Variants in TRMT2B observed in about 807,000 individuals in gnomAD.
TRMT2B encodes tRNA methyltransferase 2B, also known as tRNA (uracil-5-)-methyltransferase homolog B.
A neutral mutation model predicts 39.7 loss-of-function variants in TRMT2B; 34 were observed. That is an observed-to-expected ratio of 0.86 (90% CI 0.65 to 1.14). TRMT2B has a LOEUF of 1.14. TRMT2B is among the 50% of genes most tolerant of loss of function. The probability of loss-of-function intolerance (pLI) is 0.00; values close to 1 mark genes in which losing one functional copy is unlikely to be tolerated. For synonymous variants in TRMT2B, 132 were observed against 137.3 expected (o/e 0.96, Z 0.27); for missense variants, 318 against 377.2 (o/e 0.84, Z 1.30).
intron 2 of TRMT2B, among the ~76,000 whole-genome samples, chrX:101,050,355 G>GTTTC (rs199686193): frequency 0.045 from 5,065 of 112,399 alleles, 312 homozygotes; most frequent in African/African-American, 0.16. Context: ...GGTGAGTTCT[G>GTTTC]TTTCTTTCTT....
intron 7 of TRMT2B, among the ~76,000 whole-genome samples, chrX:101,031,043 C>G (rs1390075811): frequency 2.7e-5 from 3 of 110,312 alleles, no homozygotes; most frequent in Non-Finnish European, 5.7e-5. Context: ...ATCATCTCAG[C>G]TCACTGCAGC....
At chrX:101,000,980 T>A in the TRMT2B span, among the ~76,000 whole-genome samples, 1 of 111,076 alleles carries the variant, frequency 9.0e-6, no homozygotes, top group Non-Finnish European at 1.9e-5. Flanking sequence ...CATGTTAAAT[T>A]AGATTGCCCT....
Position 101,023,499 on chromosome X carries a change from T to C in TRMT2B, c.727A>G (p.Ile243Val). Reference sequence around the variant, plus strand: ...CTTAATTTCTGGGGATGGAAAGTGATGATAGCCATTGTGTGCCCTTGGCTA... The same window carrying C: ...CTTAATTTCTGGGGATGGAAAGTGACGATAGCCATTGTGTGCCCTTGGCTA... ...TNSQGHTMAI[I>V]TFHPQKLSQE... Residue 243 changes from isoleucine to valine, a missense_variant, in exon 8 of 14, where the codon ATC (isoleucine) becomes GTC (valine). Physicochemically the swap from Ile to Val is conservative, Grantham distance 29. Coordinates refer to ENST00000372936, the MANE Select transcript of TRMT2B (RefSeq NM_024917.6). 2 of 1,210,086 alleles carry C rather than the reference T, an allele frequency of 1.7e-6. No individual in the cohort carries two copies. The highest frequency in any genetic ancestry group is 2.3e-4 in the Middle Eastern group (1 of 4,339).
In TRMT2B at chrX:101,010,505, T is replaced by C. The variant is rs1030750579; in HGVS notation, c.*76A>G. ...ACTGTAATGCTCCCAGGGTCTGCAA[T>C]GTAGCAATATGCCAAACCTGAAAGT... On this transcript the variant is annotated 3_prime_UTR_variant, in exon 14 of 14. Transcript: ENST00000372936. The C allele has an allele frequency of 4.2e-5, 47 of 1,109,639 alleles. No individual in the cohort carries two copies. Among genetic ancestry groups the C allele is most frequent in the Non-Finnish European group, 5.3e-5 (43 of 811,636 alleles). The allele number at this position is 1,109,639 out of a possible 1,213,427, so 91.4% of individuals were successfully genotyped here. A position where few individuals can be genotyped will look rare whatever the true frequency, so the allele number is the denominator to read the frequency against.
At chrX:101,006,581 T>C (rs1017226940), downstream of TRMT2B, among the ~76,000 whole-genome samples, 13 of 110,575 alleles carry the variant, frequency 1.2e-4, no homozygotes, top group Non-Finnish European at 2.5e-4. Context: ...GGTGGGAGGA[T>C]TGCTTGAGTC....
rs763813488 is a variant in TRMT2B at position 101,023,502 on chromosome X, T to C, written c.724A>G (p.Ile242Val). Reference protein sequence around the residue: ...RTNSQGHTMAIITFHPQKLSQ... With the variant: ...RTNSQGHTMAVITFHPQKLSQ... Reference sequence around the variant, plus strand: ...AATTTCTGGGGATGGAAAGTGATGATAGCCATTGTGTGCCCTTGGCTATTG... The same window carrying C: ...AATTTCTGGGGATGGAAAGTGATGACAGCCATTGTGTGCCCTTGGCTATTG... Residue 242 changes from isoleucine to valine, a missense_variant, in exon 8 of 14, where the codon ATC (isoleucine) becomes GTC (valine). Transcript: ENST00000372936. 6 of 1,209,011 alleles carry C rather than the reference T, an allele frequency of 5.0e-6. No homozygotes were observed. The South Asian group carries it at 5.3e-5, about 11-fold the overall frequency.
the TRMT2B span, among the ~76,000 whole-genome samples, chrX:100,998,052 T>A: frequency 9.0e-6 from 1 of 110,614 alleles, no homozygotes; most frequent in African/African-American, 3.3e-5. Flanking sequence ...GTCAGGCGTT[T>A]GAGACCAGCC....
the TRMT2B span, among the ~76,000 whole-genome samples, chrX:100,992,896 T>C: frequency 9.0e-6 from 1 of 111,579 alleles, no homozygotes; most frequent in Non-Finnish European, 1.9e-5. Context: ...CTCTACCCTA[T>C]ACCATCTCAC....
the TRMT2B span, among the ~76,000 whole-genome samples, chrX:100,980,834 T>C: frequency 9.0e-6 from 1 of 111,413 alleles, no homozygotes; most frequent in Non-Finnish European, 1.9e-5. Flanking sequence ...ACTGGGTCCT[T>C]CCTTTCAGGG....
At chrX:101,024,326 GA>G (rs754728661) in intron 7 of TRMT2B, among the ~76,000 whole-genome samples, 3 of 111,927 alleles carry the variant, frequency 2.7e-5, no homozygotes, top group African/African-American at 9.7e-5. Context: ...AGACAAGGAG[GA>G]AATAAACTTC....
At chrX:101,044,249 GAAA>G (rs35472826) in intron 2 of TRMT2B, among the ~76,000 whole-genome samples, 17 of 43,534 alleles carry the variant, frequency 3.9e-4, no homozygotes, top group Non-Finnish European at 5.6e-4. Flanking sequence ...CTCAAAAAGA[GAAA>G]AAAAAAAAAA....
chrX:101,006,759 C>T (rs977333281), downstream of TRMT2B, among the ~76,000 whole-genome samples: 1 of 108,488 alleles, frequency 9.2e-6, no homozygotes, highest in African/African-American at 3.4e-5. Context: ...GCCATGATGG[C>T]GCTACTGCAC....
the TRMT2B span, chrX:100,990,242 C>A: frequency 1.6e-6 from 1 of 634,787 alleles, no homozygotes; most frequent in Non-Finnish European, 1.9e-6. Context: ...CTGGCCAATA[C>A]CCTCCTACCA....
At chrX:101,030,969 CCTCA>C (rs1461220995) in intron 7 of TRMT2B, among the ~76,000 whole-genome samples, 11 of 108,285 alleles carry the variant, frequency 1.0e-4, no homozygotes, top group African/African-American at 2.5e-4. Flanking sequence ...CTGGTCAAAG[CCTCA>C]CTATTTTTTT....
intron 2 of TRMT2B, among the ~76,000 whole-genome samples, chrX:101,045,240 A>G (rs1300269384): frequency 1.8e-5 from 2 of 109,530 alleles, no homozygotes; most frequent in Middle Eastern, 4.6e-3. Flanking sequence ...GAATCACCTG[A>G]GGTCGGGAGT....
At chrX:101,050,463 G>A (rs2088990473) in intron 2 of TRMT2B, among the ~76,000 whole-genome samples, 1 of 112,513 alleles carries the variant, frequency 8.9e-6, no homozygotes, top group Non-Finnish European at 1.9e-5. Flanking sequence ...GGTGGCTCAC[G>A]CCTGCAATCC....
chrX:100,986,798 T>C, the TRMT2B span: 3 of 1,188,625 alleles, frequency 2.5e-6, no homozygotes, highest in Non-Finnish European at 3.4e-6. Context: ...TGTTTTAGTT[T>C]AGCAAACAAA....
intron 13 of TRMT2B, among the ~76,000 whole-genome samples, chrX:101,014,179 G>A (rs1168363859): frequency 8.9e-6 from 1 of 112,308 alleles, no homozygotes; most frequent in African/African-American, 3.2e-5. Context: ...ACGTACGTGT[G>A]CACACACATG....
the TRMT2B span, among the ~76,000 whole-genome samples, chrX:100,993,442 G>A: frequency 1.8e-5 from 2 of 111,821 alleles, no homozygotes; most frequent in African/African-American, 3.3e-5. Flanking sequence ...AGGAGACTAC[G>A]AATCAACAAA....
Sources: allele counts gnomAD v4.1 joint callset (sites outside exome capture counted in the v4.1 genomes callset), GRCh38; gene constraint gnomAD v4.1.1; transcripts MANE v1.5; gene names NCBI Gene and HGNC (gene_info 2026-07-23, HGNC 2026-07-21).